The following C6 variants were observed in gnomAD, a reference collection of about 807,000 sequenced individuals.
C6 encodes complement component C6.
A neutral mutation model predicts 112.9 loss-of-function variants in C6; 101 were observed. The ratio of observed to expected loss-of-function variants is 0.89; its 90% CI spans 0.76 to 1.06. The LOEUF is 1.06. C6 is among the 50% of genes least tolerant of loss of function. The probability of loss-of-function intolerance (pLI) is 0.00; values close to 1 mark genes in which losing one functional copy is unlikely to be tolerated. For synonymous variants in C6, 431 were observed against 384.1 expected (o/e 1.12, Z -1.43); for missense variants, 1,202 against 1,104.6 (o/e 1.09, Z -1.25).
intron 15 of C6, among the ~76,000 whole-genome samples, chr5:41,151,814 A>G (rs935580550): frequency 6.6e-6 from 1 of 152,088 alleles, no homozygotes; most frequent in African/African-American, 2.4e-5. Context: ...ATATGTGCAG[A>G]AGGTCAACAT....
chr5:41,166,284 A>T (rs569520918), intron 9 of C6, among the ~76,000 whole-genome samples: 2 of 152,240 alleles, frequency 1.3e-5, no homozygotes, highest in East Asian at 3.9e-4. Flanking sequence ...GACTAAACCT[A>T]CCTTGTCAGC....
intron 9 of C6, among the ~76,000 whole-genome samples, chr5:41,166,094 TA>T (rs1315942308): frequency 6.6e-6 from 1 of 152,178 alleles, no homozygotes; most frequent in East Asian, 1.9e-4. Flanking sequence ...TTTATAATTT[TA>T]AAAGCTGAGA....
At chr5:41,210,758 G>T (rs1751851816) in intron 1 of C6, among the ~76,000 whole-genome samples, 1 of 152,126 alleles carries the variant, frequency 6.6e-6, no homozygotes, top group South Asian at 2.1e-4. Flanking sequence ...GAGAGGATGT[G>T]GAGAAATAGG....
intron 6 of C6, among the ~76,000 whole-genome samples, chr5:41,184,541 G>A (rs372061735): frequency 2.6e-5 from 4 of 151,372 alleles, no homozygotes; most frequent in African/African-American, 2.4e-5. Context: ...GCGTGATCTC[G>A]GCTCACTGCA....
intron 5 of C6, among the ~76,000 whole-genome samples, chr5:41,187,885 T>C (rs1749908101): frequency 6.6e-6 from 1 of 152,160 alleles, no homozygotes; most frequent in African/African-American, 2.4e-5. Context: ...AGGGAAAGTA[T>C]ATTTTAATTT....
intron 1 of C6, among the ~76,000 whole-genome samples, chr5:41,245,145 A>G (rs991344109): frequency 6.6e-6 from 1 of 152,222 alleles, no homozygotes; most frequent in Non-Finnish European, 1.5e-5. Flanking sequence ...GTATCACAGT[A>G]ATGCTGATCA....
Position 41,153,995 on chromosome 5 carries a change from G to C in C6, c.2105C>G (p.Thr702Arg), listed in dbSNP as rs759974891. 6.2e-7 allele frequency: 1 copy of C among 1,613,122 alleles called. No individual in the cohort carries two copies. Among genetic ancestry groups the C allele is most frequent in the Non-Finnish European group, 8.5e-7 (1 of 1,179,298 alleles). ...CTGCACAACTGGCTTGATGCACTCCGTCCCTGCAAGAGAGCAACATTTCAT... is the reference window on the plus strand; with the variant it reads ...CTGCACAACTGGCTTGATGCACTCCCTCCCTGCAAGAGAGCAACATTTCAT... ...WRQGDVECQR[T>R]ECIKPVVQEV... The change falls in exon 15 of 18, where the codon ACG (threonine) becomes AGG (arginine). Residue 702 changes from threonine to arginine, a missense_variant. Coordinates refer to ENST00000337836, the MANE Select transcript of C6 (RefSeq NM_000065.5).
At chr5:41,259,128 A>G (rs1466397050) in intron 1 of C6, among the ~76,000 whole-genome samples, 1 of 152,240 alleles carries the variant, frequency 6.6e-6, no homozygotes, top group African/African-American at 2.4e-5. Flanking sequence ...TTTAAAAAAG[A>G]GAATGTAATA....
At chr5:41,198,690 C>G (rs1410387587) in intron 4 of C6, among the ~76,000 whole-genome samples, 2 of 152,180 alleles carry the variant, frequency 1.3e-5, no homozygotes, top group Non-Finnish European at 2.9e-5. Flanking sequence ...GGATGCATCT[C>G]AAGGCTTCTC....
At chr5:41,161,896 T>C in intron 9 of C6, 37 bp from the exon 10 acceptor site, 3 of 1,600,950 alleles carry the variant, frequency 1.9e-6, no homozygotes, top group Non-Finnish European at 2.6e-6. Context: ...CATTTAATTT[T>C]AGTGCAAATT....
At chr5:41,236,351 T>A (rs1740301534) in intron 1 of C6, among the ~76,000 whole-genome samples, 1 of 150,134 alleles carries the variant, frequency 6.7e-6, no homozygotes, top group South Asian at 2.2e-4. Context: ...TCCCCATTGC[T>A]TGTTTTTCTC....
At chr5:41,196,307 C>A (rs527963209) in intron 4 of C6, among the ~76,000 whole-genome samples, 46 of 151,656 alleles carry the variant, frequency 3.0e-4, no homozygotes, top group African/African-American at 1.1e-3. Context: ...ATTTAAAAAC[C>A]TGTAACTTTA....
chr5:41,255,939 G>T (rs1416171650), intron 1 of C6, among the ~76,000 whole-genome samples: 2 of 152,230 alleles, frequency 1.3e-5, no homozygotes, highest in African/African-American at 4.8e-5. Context: ...TGTGCTAACA[G>T]AAAGGAAGTA....
At chr5:41,219,042 A>G (rs1325385962) in intron 1 of C6, among the ~76,000 whole-genome samples, 3 of 152,212 alleles carry the variant, frequency 2.0e-5, no homozygotes, top group African/African-American at 7.2e-5. Context: ...AACAATTTCA[A>G]AAAAGATACT....
At chr5:41,166,199 A>G (rs1326760931) in intron 9 of C6, among the ~76,000 whole-genome samples, 1 of 152,136 alleles carries the variant, frequency 6.6e-6, no homozygotes, top group African/African-American at 2.4e-5. Context: ...TGTAGATGAT[A>G]TGTGGGATAG....
chr5:41,168,799 T>G (rs1748189232), intron 9 of C6, among the ~76,000 whole-genome samples: 1 of 152,182 alleles, frequency 6.6e-6, no homozygotes, highest in Non-Finnish European at 1.5e-5. Flanking sequence ...TTTTCTATTT[T>G]TATCTTTTAC....
At position 41,155,078 on chromosome 5, in the gene C6, T is replaced by C. The variant is rs376108879; in HGVS notation, c.1995A>G (p.Gly665=). ...IRNEKQLYLV[G]EDVEISCLTG... is the part of the protein sequence containing the mutation. ...TAAGGCATGAAATTTCAACATCTTC[T>C]CCAACCAAGTATAGTTGCTTTTCAT... The change falls in exon 14 of 18, where the codon GGA becomes GGG. Residue 665 remains glycine, a synonymous_variant. Coordinates refer to ENST00000337836, the MANE Select transcript of C6 (RefSeq NM_000065.5). 4 of 1,613,480 alleles carry C rather than the reference T, an allele frequency of 2.5e-6. No individual in the cohort carries two copies. In the African/African-American group the frequency reaches 5.3e-5, roughly 22 times the overall value.
intron 9 of C6, among the ~76,000 whole-genome samples, chr5:41,166,310 T>C (rs568254121): frequency 6.6e-6 from 1 of 152,260 alleles, no homozygotes; most frequent in African/African-American, 2.4e-5. Context: ...TTCACAAATT[T>C]ATGCTCAAGC....
intron 5 of C6, among the ~76,000 whole-genome samples, chr5:41,194,030 G>A (rs996220760): frequency 6.6e-6 from 1 of 152,134 alleles, no homozygotes; most frequent in Non-Finnish European, 1.5e-5. Flanking sequence ...TTCAGCCAAA[G>A]TACACATAGC....
Sources: gnomAD v4.1 joint callset for allele counts (sites outside exome capture counted in the v4.1 genomes callset) on GRCh38, gnomAD v4.1.1 for gene constraint, MANE v1.5 for transcripts, NCBI Gene and HGNC (gene_info 2026-07-23, HGNC 2026-07-21) for gene names.